The following ALCAM variants were observed in gnomAD, a reference collection of about 807,000 sequenced individuals.
The protein encoded by ALCAM is activated leukocyte cell adhesion molecule.
ALCAM carries 30 observed loss-of-function variants against 70.9 expected under a neutral mutation model. That is an observed-to-expected ratio of 0.42 (90% CI 0.32 to 0.57). The LOEUF (loss-of-function observed/expected upper bound fraction) is 0.57, where lower values mean the gene tolerates loss of function less well. ALCAM is among the 20% of genes least tolerant of loss of function. ALCAM has a pLI of 0.11. For missense variants in ALCAM, 591 were observed against 695.1 expected (o/e 0.85, Z 1.68); for synonymous variants, 249 against 242.5 (o/e 1.03, Z -0.25).
rs1937812224 is a variant in ALCAM at position 105,468,397 on chromosome 3, C to G, written c.74-51670C>G. 2.0e-5 allele frequency among the ~76,000 whole-genome samples: 3 copies of G among 151,394 alleles called. No homozygotes were observed. In the South Asian group the frequency reaches 6.2e-4, roughly 31 times the overall value. ...CATGGCTTTGATGGTCCACATTCTT[C>G]CCAAGTGATAAATAGTAAACTCTTC... is the stretch of plus-strand genomic sequence containing the variant. On this transcript the variant is annotated intron_variant, in intron 1 of 15. Coordinates refer to ENST00000306107, the MANE Select transcript of ALCAM (RefSeq NM_001627.4).
At chr3:105,532,919 G>A (rs546598856) in intron 4 of ALCAM, among the ~76,000 whole-genome samples, 2 of 152,196 alleles carry the variant, frequency 1.3e-5, no homozygotes, top group East Asian at 1.9e-4. Context: ...GATCAGATTC[G>A]AACAACACAT....
chr3:105,564,897 T>C (rs1940709821), intron 14 of ALCAM, among the ~76,000 whole-genome samples: 2 of 152,120 alleles, frequency 1.3e-5, no homozygotes, highest in Admixed American at 1.3e-4. Context: ...AATACAAAAA[T>C]TAGCCAGGCA....
chr3:105,491,566 C>T (rs1280915327), intron 1 of ALCAM, among the ~76,000 whole-genome samples: 1 of 152,194 alleles, frequency 6.6e-6, no homozygotes, highest in East Asian at 1.9e-4. Context: ...TTTCACAACA[C>T]CCAAGTCACC....
chr3:105,483,649 A>C (rs1938338878), intron 1 of ALCAM, among the ~76,000 whole-genome samples: 1 of 152,160 alleles, frequency 6.6e-6, no homozygotes, highest in South Asian at 2.1e-4. Context: ...CCAAAGCTGG[A>C]TATGCAGTCC....
At chr3:105,396,382 G>A (rs1935951343) in intron 1 of ALCAM, among the ~76,000 whole-genome samples, 1 of 151,798 alleles carries the variant, frequency 6.6e-6, no homozygotes, top group South Asian at 2.1e-4. Context: ...GGAGCCAAAA[G>A]GAAAGAAGGA....
intron 1 of ALCAM, among the ~76,000 whole-genome samples, chr3:105,387,747 A>G (rs1468416365): frequency 1.3e-5 from 2 of 151,414 alleles, no homozygotes; most frequent in African/African-American, 4.8e-5. Context: ...AAGGCTGGAG[A>G]AGAAAACAGG....
intron 8 of ALCAM, among the ~76,000 whole-genome samples, chr3:105,542,636 T>A (rs3772550): frequency 0.057 from 8,673 of 151,908 alleles, 282 homozygotes; most frequent in South Asian, 0.072. Context: ...TCCCACTGAG[T>A]ATAAAGAGAC....
In ALCAM at chr3:105,388,704, A is replaced by G. The variant is rs191789441; in HGVS notation, c.73+21223A>G. Among the ~76,000 whole-genome samples, 8 of 151,730 alleles carry G rather than the reference A, an allele frequency of 5.3e-5. 1 individual carries two copies. The East Asian group carries it at 1.6e-3, about 29-fold the overall frequency. ...TATTCGGTTATAGAAATACTTTTCT[A>G]GGAAAACTTATTAGGGTTAAGAAAC... On this transcript the variant is annotated intron_variant, in intron 1 of 15. Coordinates refer to ENST00000306107, the MANE Select transcript of ALCAM (RefSeq NM_001627.4).
rs540225072 is a variant in ALCAM at position 105,549,975 on chromosome 3, A to T, written c.1375-152A>T. On this transcript the variant is annotated intron_variant, in intron 11 of 15. Coordinates refer to ENST00000306107, the MANE Select transcript of ALCAM (RefSeq NM_001627.4). ...TACTAATCTTTGTAGATATTGGCAT[A>T]CATGGGTCTTGATCTATGATCTTAC... 8 of 510,792 alleles carry T rather than the reference A, an allele frequency of 1.6e-5. No individual in the cohort carries two copies. In the South Asian group the frequency reaches 1.8e-4, roughly 11 times the overall value. 31.6% of individuals were successfully genotyped at this position (510,792 alleles called of 1,614,324 possible).
At chr3:105,416,016 G>A (rs1302087171) in intron 1 of ALCAM, among the ~76,000 whole-genome samples, 1 of 151,996 alleles carries the variant, frequency 6.6e-6, no homozygotes, top group Non-Finnish European at 1.5e-5. Flanking sequence ...CAGATATGCT[G>A]GATAAAGCTC....
At chr3:105,367,931 C>A (rs1040290384) in intron 1 of ALCAM, among the ~76,000 whole-genome samples, 1 of 152,084 alleles carries the variant, frequency 6.6e-6, no homozygotes, top group South Asian at 2.1e-4. Context: ...AGTAACTTCC[C>A]CTTGGTGAGC....
At chr3:105,536,411 G>C (rs1939972061) in intron 6 of ALCAM, among the ~76,000 whole-genome samples, 1 of 152,022 alleles carries the variant, frequency 6.6e-6, no homozygotes, top group Admixed American at 6.6e-5. Flanking sequence ...CTTTCTGTTA[G>C]AAATATTCAA....
chr3:105,510,044 C>G (rs997050146), intron 1 of ALCAM, among the ~76,000 whole-genome samples: 1 of 151,964 alleles, frequency 6.6e-6, no homozygotes, highest in Admixed American at 6.6e-5. Context: ...CTAATTTCCT[C>G]CAGATGTTAG....
intron 5 of ALCAM, 152 bp downstream of exon 5, chr3:105,533,842 G>A: frequency 1.7e-6 from 1 of 603,648 alleles, no homozygotes; most frequent in Non-Finnish European, 2.9e-6. Context: ...TCAGGGTGGG[G>A]GGATGGTTTC....
At chr3:105,373,376 T>C (rs1935290052) in intron 1 of ALCAM, among the ~76,000 whole-genome samples, 1 of 152,174 alleles carries the variant, frequency 6.6e-6, no homozygotes, top group South Asian at 2.1e-4. Context: ...TAGATTAAGA[T>C]ATCAACCAGC....
At chr3:105,563,263 T>G (rs577433496) in intron 14 of ALCAM, among the ~76,000 whole-genome samples, 21 of 152,090 alleles carry the variant, frequency 1.4e-4, no homozygotes, top group Middle Eastern at 3.4e-3. Flanking sequence ...GGTTCTATAG[T>G]GATAACCCTT....
At chr3:105,449,915 T>C (rs886759639) in intron 1 of ALCAM, among the ~76,000 whole-genome samples, 3 of 152,204 alleles carry the variant, frequency 2.0e-5, no homozygotes, top group African/African-American at 7.2e-5. Flanking sequence ...ATCCTCGTTT[T>C]CTAAATGATG....
At chr3:105,511,551 C>T (rs1939236931) in intron 1 of ALCAM, among the ~76,000 whole-genome samples, 1 of 151,892 alleles carries the variant, frequency 6.6e-6, no homozygotes, top group Non-Finnish European at 1.5e-5. Context: ...TATTGCAACC[C>T]CTCCAGGGAG....
intron 3 of ALCAM, among the ~76,000 whole-genome samples, chr3:105,531,046 T>G (rs962512273): frequency 6.6e-6 from 1 of 152,060 alleles, no homozygotes; most frequent in African/African-American, 2.4e-5. Flanking sequence ...ATACATTTGC[T>G]TATAAGAAAA....
Sources: allele counts gnomAD v4.1 joint callset (sites outside exome capture counted in the v4.1 genomes callset), GRCh38; gene constraint gnomAD v4.1.1; transcripts MANE v1.5; gene names NCBI Gene and HGNC (gene_info 2026-07-23, HGNC 2026-07-21).